ZNF701: variants seen among roughly 807,000 people sequenced by gnomAD.
The protein encoded by ZNF701 is zinc finger protein 701.
Under a neutral mutation model 7.1 loss-of-function variants are expected in ZNF701, and 6 were observed. The ratio of observed to expected loss-of-function variants is 0.84; its 90% confidence interval spans 0.46 to 1.66. The LOEUF (loss-of-function observed/expected upper bound fraction) is 1.66, where lower values mean the gene tolerates loss of function less well. Ranked by LOEUF, ZNF701 falls within the 40% of genes most tolerant of loss-of-function variation. The pLI is 0.01. For synonymous variants in ZNF701, 166 were observed against 188.2 expected, an observed-to-expected ratio of 0.88 and a Z score of 0.97; for missense variants, 541 against 559.2, an observed-to-expected ratio of 0.97 and a Z score of 0.33.
intron 3 of ZNF701, among the ~76,000 whole-genome samples, chr19:52,576,514 T>C (rs2059935262): frequency 6.6e-6 from 1 of 152,126 alleles, no homozygotes; most frequent in South Asian, 2.1e-4. Flanking sequence ...GACTCCAGCC[T>C]GGGCAACAGA....
At chr19:52,571,741 T>C (rs2059901506) in intron 1 of ZNF701, among the ~76,000 whole-genome samples, 1 of 152,112 alleles carries the variant, frequency 6.6e-6, no homozygotes, top group Admixed American at 6.6e-5. Flanking sequence ...TGTTTGTTTG[T>C]TTGCTTGTTT....
Position 52,582,024 on chromosome 19 carries a change from A to G in ZNF701, c.143-178A>G, listed in dbSNP as rs1017586395. On this transcript the variant is annotated intron_variant, in intron 3 of 3. Coordinates refer to ENST00000391785, the MANE Select transcript of ZNF701 (RefSeq NM_018260.3). ...ATAGGCTTCCATAAAAATGATTTGA[A>G]GCACATGCAATCACCCTTTATTTAT... 3.3e-5 allele frequency among the ~76,000 whole-genome samples: 5 copies of G among 152,338 alleles called. No homozygotes were observed. In the South Asian group the frequency reaches 8.3e-4, roughly 25 times the overall value.
At position 52,584,481 on chromosome 19, in the gene ZNF701, A is replaced by G. The variant is rs2059996340; in HGVS notation, c.*1024A>G. 1 of 153,078 alleles carries G rather than the reference A, an allele frequency of 6.5e-6. No homozygotes were observed. The highest frequency in any genetic ancestry group is 6.5e-5 in the Admixed American group (1 of 15,364). The allele number at this position is 153,078 out of a possible 1,614,324, so 9.5% of individuals were successfully genotyped here. A position where few individuals can be genotyped will look rare whatever the true frequency, so the allele number is the denominator to read the frequency against. On this transcript the variant is annotated 3_prime_UTR_variant, in exon 4 of 4. Coordinates refer to ENST00000391785, the MANE Select transcript of ZNF701 (RefSeq NM_018260.3). ...CCAGCCTGCTTTTTGTTTCTTTAAC[A>G]AAAACCAATAGGGGTTTTTATAGGT...
intron 3 of ZNF701, among the ~76,000 whole-genome samples, chr19:52,578,737 A>G (rs1039300056): frequency 6.6e-6 from 1 of 152,210 alleles, no homozygotes; most frequent in African/African-American, 2.4e-5. Context: ...CAGTGTGAAT[A>G]TAACAACTAC....
At chr19:52,579,940 A>AATT (rs1243154450) in intron 3 of ZNF701, among the ~76,000 whole-genome samples, 1 of 141,634 alleles carries the variant, frequency 7.1e-6, no homozygotes, top group Non-Finnish European at 1.5e-5. Context: ...TCTCCTCTAG[A>AATT]ATTATTATTA....
chr19:52,579,749 C>G (rs1182013216), intron 3 of ZNF701, among the ~76,000 whole-genome samples: 1 of 137,858 alleles, frequency 7.3e-6, no homozygotes, highest in East Asian at 2.0e-4. Flanking sequence ...TCGTGGGTGG[C>G]AGTAATCCCA....
At chr19:52,581,575 C>T (rs934394293) in intron 3 of ZNF701, among the ~76,000 whole-genome samples, 2 of 152,096 alleles carry the variant, frequency 1.3e-5, no homozygotes, top group African/African-American at 2.4e-5. Flanking sequence ...TGCAGTGGTT[C>T]GATGTTGGCG....
At chr19:52,595,526 TC>T in the ZNF701 span, 1 of 506,760 alleles carries the variant, frequency 2.0e-6, no homozygotes, top group Non-Finnish European at 3.4e-6. Context: ...TGCCTCGTCC[TC>T]CCAAAGTGCT....
intron 2 of ZNF701, among the ~76,000 whole-genome samples, chr19:52,574,380 G>T (rs999254587): frequency 6.6e-6 from 1 of 152,134 alleles, no homozygotes; most frequent in African/African-American, 2.4e-5. Context: ...ATGGTCCTGG[G>T]AAGGGCTCAC....
chr19:52,581,952 G>T (rs2059978143), intron 3 of ZNF701, among the ~76,000 whole-genome samples: 1 of 151,940 alleles, frequency 6.6e-6, no homozygotes, highest in African/African-American at 2.4e-5. Context: ...CTGACTTTAG[G>T]CTTACACATG....
At chr19:52,593,013 T>A in the ZNF701 span, among the ~76,000 whole-genome samples, 3 of 116,746 alleles carry the variant, frequency 2.6e-5, 1 homozygote, top group Non-Finnish European at 5.6e-5. Flanking sequence ...AGCATCTGTT[T>A]AACAAAGCAC....
chr19:52,596,854 C>G, the ZNF701 span: 1 of 548,052 alleles, frequency 1.8e-6, no homozygotes, highest in Admixed American at 1.9e-5. Flanking sequence ...TTCATACTGT[C>G]TAAGGTTTCT....
At position 52,583,373 on chromosome 19, in the gene ZNF701, C is replaced by A. The variant is rs1291501805; in HGVS notation, c.1314C>A (p.Tyr438Ter). The change falls in exon 4 of 4, where the codon TAC becomes TAA. Residue 438 changes from tyrosine (Y) to a stop codon, truncating the protein, a stop_gained. Coordinates refer to ENST00000391785, the MANE Select transcript of ZNF701 (RefSeq NM_018260.3). LOFTEE classifies it low-confidence loss of function (END_TRUNC). The part of the protein sequence containing the change: ...HRRLHTGEKP[Y>*]KCNECGKVFN... ...GACTTCATACTGGAGAGAAACCTTA[C>A]AAGTGTAATGAATGTGGCAAGGTTT... is the stretch of plus-strand genomic sequence containing the variant. The A allele has an allele frequency of 8.7e-6, 14 of 1,613,332 alleles. No homozygotes were observed. The highest frequency in any genetic ancestry group is 1.2e-5 in the Non-Finnish European group (14 of 1,179,536).
chr19:52,572,648 G>C (rs1316462656), intron 1 of ZNF701: 1 of 347,328 alleles, frequency 2.9e-6, no homozygotes, highest in Non-Finnish European at 5.6e-6. Context: ...CCCGTTCTGA[G>C]GATGTCACAG....
At chr19:52,596,052 A>G in the ZNF701 span, 1 of 1,383,220 alleles carries the variant, frequency 7.2e-7, no homozygotes, top group Non-Finnish European at 1.0e-6. Context: ...AAGTATGGGA[A>G]GAATTTCCTC....
downstream of ZNF701, among the ~76,000 whole-genome samples, chr19:52,589,354 G>A (rs1174700196): frequency 1.3e-5 from 2 of 152,098 alleles, no homozygotes; most frequent in Non-Finnish European, 2.9e-5. Flanking sequence ...ATACTTTGCT[G>A]AGCATACTTT....
chr19:52,570,426 C>T (rs979463277), intron 1 of ZNF701, 96 bp downstream of exon 1: 1 of 152,244 alleles, frequency 6.6e-6, no homozygotes, highest in Non-Finnish European at 1.5e-5. Flanking sequence ...TGTAAATTCT[C>T]GCCCATCTTC....
intron 1 of ZNF701, 143 bp from the exon 2 acceptor site, chr19:52,573,934 A>G (rs906453149): frequency 1.2e-5 from 11 of 899,760 alleles, no homozygotes; most frequent in African/African-American, 1.7e-5. Flanking sequence ...GAGTTTTCTT[A>G]TAGAAATTTA....
At chr19:52,572,239 G>A (rs1250448485) in intron 1 of ZNF701, 1 of 388,048 alleles carries the variant, frequency 2.6e-6, no homozygotes, top group Non-Finnish European at 4.8e-6. Context: ...ATTTTTAGTA[G>A]AGATGGGGTT....
Sources: gnomAD v4.1 joint callset for allele counts (sites outside exome capture counted in the v4.1 genomes callset) on GRCh38, gnomAD v4.1.1 for gene constraint, MANE v1.5 for transcripts, NCBI Gene and HGNC (gene_info 2026-07-23, HGNC 2026-07-21) for gene names.